KCNIP4: variants seen among roughly 807,000 people sequenced by gnomAD.
KCNIP4 encodes the protein potassium voltage-gated channel interacting protein 4.
KCNIP4 carries 12 observed loss-of-function variants against 34.0 expected under a neutral mutation model. The observed-to-expected ratio is 0.35, with a 90% CI of 0.23 to 0.57. The LOEUF (loss-of-function observed/expected upper bound fraction) is 0.57. Among genes scored for constraint, KCNIP4 ranks in the 20% least tolerant of loss-of-function variants. The probability of loss-of-function intolerance (pLI) is 0.83; values close to 1 mark genes in which losing one functional copy is unlikely to be tolerated. For missense variants in KCNIP4, 238 were observed against 311.7 expected (o/e 0.76, Z 1.78); for synonymous variants, 124 against 102.2 (o/e 1.21, Z -1.29).
chr4:21,399,806 T>C (rs1241330085), intron 1 of KCNIP4, among the ~76,000 whole-genome samples: 1 of 152,100 alleles, frequency 6.6e-6, no homozygotes, highest in Admixed American at 6.6e-5. Context: ...ACATTTCCTA[T>C]GCAATATTAG....
intron 1 of KCNIP4, among the ~76,000 whole-genome samples, chr4:21,661,947 G>C (rs556257304): frequency 1.3e-5 from 2 of 152,050 alleles, no homozygotes; most frequent in African/African-American, 4.8e-5. Context: ...CAGTTTTCTC[G>C]CTGTAAGAGA....
intron 1 of KCNIP4, among the ~76,000 whole-genome samples, chr4:21,415,991 G>A: frequency 6.6e-6 from 1 of 152,180 alleles, no homozygotes; most frequent in East Asian, 1.9e-4. Context: ...AAAATGAGAA[G>A]CTTCTGTAAA....
At chr4:21,103,768 T>C (rs990147175) in intron 1 of KCNIP4, among the ~76,000 whole-genome samples, 7 of 121,300 alleles carry the variant, frequency 5.8e-5, no homozygotes, top group Non-Finnish European at 9.8e-5. Flanking sequence ...CAGAGTGTGA[T>C]GTTCCCCTTC....
chr4:21,140,172 G>A (rs6821149), intron 1 of KCNIP4, among the ~76,000 whole-genome samples: 79,369 of 151,408 alleles, frequency 0.52, 21,284 homozygotes, highest in African/African-American at 0.63. Context: ...ATAGATTGCC[G>A]TCAGGCTGCT....
intron 1 of KCNIP4, among the ~76,000 whole-genome samples, chr4:21,886,002 C>T (rs1246494053): frequency 1.3e-5 from 2 of 151,976 alleles, no homozygotes; most frequent in African/African-American, 4.8e-5. Flanking sequence ...ATCCATAATC[C>T]CCTTGTCATG....
At chr4:21,192,789 C>T (rs1755744154) in intron 1 of KCNIP4, among the ~76,000 whole-genome samples, 1 of 151,922 alleles carries the variant, frequency 6.6e-6, no homozygotes, top group Admixed American at 6.6e-5. Flanking sequence ...GCCTTGGCCA[C>T]TCATGCCTGT....
intron 2 of KCNIP4, among the ~76,000 whole-genome samples, chr4:20,863,641 G>A (rs1722444459): frequency 6.6e-6 from 1 of 152,148 alleles, no homozygotes; most frequent in Non-Finnish European, 1.5e-5. Flanking sequence ...GGTTAGTTCA[G>A]CCTACGCCCA....
intron 1 of KCNIP4, among the ~76,000 whole-genome samples, chr4:21,786,616 G>A (rs1719932241): frequency 6.8e-6 from 1 of 147,060 alleles, no homozygotes; most frequent in Admixed American, 6.9e-5. Flanking sequence ...CTTCCAGGCT[G>A]GAGTGCAGTG....
intron 1 of KCNIP4, among the ~76,000 whole-genome samples, chr4:21,318,027 G>A (rs1431570832): frequency 6.6e-6 from 1 of 152,150 alleles, no homozygotes; most frequent in African/African-American, 2.4e-5. Flanking sequence ...TACAGGAACT[G>A]TCTTTAAATC....
intron 3 of KCNIP4, among the ~76,000 whole-genome samples, chr4:20,827,539 A>T (rs930443132): frequency 2.0e-5 from 3 of 152,140 alleles, no homozygotes; most frequent in Admixed American, 6.5e-5. Flanking sequence ...TTACAGTCTG[A>T]GGTACTGGAT....
At chr4:21,724,105 A>G (rs141451393) in intron 1 of KCNIP4, among the ~76,000 whole-genome samples, 356 of 152,238 alleles carry the variant, frequency 2.3e-3, no homozygotes, top group African/African-American at 8.1e-3. Flanking sequence ...ATGATGGTAC[A>G]TGGTCAAGGA....
intron 1 of KCNIP4, among the ~76,000 whole-genome samples, chr4:21,705,165 T>A (rs1713169013): frequency 6.6e-6 from 1 of 152,094 alleles, no homozygotes; most frequent in Admixed American, 6.6e-5. Flanking sequence ...AATGACAGAA[T>A]TATAAAAGTG....
At chr4:21,175,377 A>G (rs542063492) in intron 1 of KCNIP4, among the ~76,000 whole-genome samples, 55 of 152,294 alleles carry the variant, frequency 3.6e-4, no homozygotes, top group Admixed American at 1.2e-3. Context: ...AATTCATTTC[A>G]GTAAATGCCT....
At chr4:20,734,756 A>T (rs1014206894) in intron 5 of KCNIP4, 21 bp from the exon 6 acceptor site, 1 of 1,390,842 alleles carries the variant, frequency 7.2e-7, no homozygotes. Context: ...ATAAAAATTC[A>T]ATTTTATATG....
chr4:21,383,081 G>T (rs1721670832), intron 1 of KCNIP4, among the ~76,000 whole-genome samples: 2 of 152,132 alleles, frequency 1.3e-5, no homozygotes, highest in South Asian at 4.1e-4. Context: ...GACACATAAA[G>T]AAACACCTGG....
intron 1 of KCNIP4, among the ~76,000 whole-genome samples, chr4:21,554,582 T>A (rs1738837383): frequency 6.6e-6 from 1 of 152,148 alleles, no homozygotes; most frequent in Non-Finnish European, 1.5e-5. Context: ...CTTTTCATTA[T>A]CTTGTGCTTC....
At chr4:21,198,811 A>G (rs1328154111) in intron 1 of KCNIP4, among the ~76,000 whole-genome samples, 2 of 152,198 alleles carry the variant, frequency 1.3e-5, no homozygotes, top group Non-Finnish European at 2.9e-5. Flanking sequence ...GGGCACCTAT[A>G]GGCCAATTGT....
At chr4:20,783,831 A>G (rs1294327239) in intron 3 of KCNIP4, among the ~76,000 whole-genome samples, 1 of 152,212 alleles carries the variant, frequency 6.6e-6, no homozygotes, top group Non-Finnish European at 1.5e-5. Flanking sequence ...TATATTATCT[A>G]GTAATTAAGA....
At chr4:21,445,771 A>T (rs533817820) in intron 1 of KCNIP4, among the ~76,000 whole-genome samples, 34 of 152,336 alleles carry the variant, frequency 2.2e-4, no homozygotes, top group African/African-American at 6.7e-4. Flanking sequence ...AAATTGACAA[A>T]TGGGATCTAA....
Sources: gnomAD v4.1 joint callset for allele counts (sites outside exome capture counted in the v4.1 genomes callset) on GRCh38, gnomAD v4.1.1 for gene constraint, MANE v1.5 for transcripts, NCBI Gene and HGNC (gene_info 2026-07-23, HGNC 2026-07-21) for gene names.